Variants in SLC4A4 observed in about 807,000 individuals in gnomAD.
SLC4A4 encodes the protein solute carrier family 4 member 4.
Under a neutral mutation model 111.5 loss-of-function variants are expected in SLC4A4, and 27 were observed. The ratio of observed to expected loss-of-function variants is 0.24; its 90% CI spans 0.18 to 0.33. The LOEUF (loss-of-function observed/expected upper bound fraction) is 0.33. SLC4A4 is among the 10% of genes least tolerant of loss of function. The probability of loss-of-function intolerance (pLI) is 1.00; values close to 1 mark genes in which losing one functional copy is unlikely to be tolerated. For missense variants in SLC4A4, 909 were observed against 1,315.5 expected, an observed-to-expected ratio of 0.69 and a Z score of 4.78; for synonymous variants, 443 against 463.4, an observed-to-expected ratio of 0.96 and a Z score of 0.57.
intron 1 of SLC4A4, among the ~76,000 whole-genome samples, chr4:71,075,957 CTAAATAAATAAATAAATAAA>C (rs66711227): frequency 7.9e-4 from 111 of 140,268 alleles, no homozygotes; most frequent in African/African-American, 2.6e-3. Flanking sequence ...GACTCCATCT[CTAAATAAATAAATAAATAAA>C]TAAATAAATA....
chr4:71,420,230 G>T (rs1722305496), intron 7 of SLC4A4, among the ~76,000 whole-genome samples: 2 of 152,164 alleles, frequency 1.3e-5, no homozygotes, highest in South Asian at 2.1e-4. Context: ...GGAAGAAAGG[G>T]TATCAGTGAT....
intron 3 of SLC4A4, among the ~76,000 whole-genome samples, chr4:71,306,522 G>T (rs967407351): frequency 1.3e-5 from 2 of 152,114 alleles, no homozygotes; most frequent in Non-Finnish European, 2.9e-5. Flanking sequence ...GGCGGGGGTT[G>T]CAGTGAGCTG....
At chr4:71,185,357 C>T (rs955920401), upstream of SLC4A4, among the ~76,000 whole-genome samples, 1 of 152,194 alleles carries the variant, frequency 6.6e-6, no homozygotes, top group African/African-American at 2.4e-5. Context: ...TTCTTGCTAA[C>T]TGCCTGCTCA....
At chr4:71,248,701 G>C (rs1440035823) in intron 2 of SLC4A4, among the ~76,000 whole-genome samples, 5 of 152,116 alleles carry the variant, frequency 3.3e-5, no homozygotes, top group Non-Finnish European at 7.4e-5. Flanking sequence ...TAATAAAGTT[G>C]TATTTCTATA....
chr4:71,170,390 A>G (rs1744902082), intron 2 of SLC4A4, among the ~76,000 whole-genome samples: 1 of 152,226 alleles, frequency 6.6e-6, no homozygotes, highest in Non-Finnish European at 1.5e-5. Flanking sequence ...GAGGAAAATT[A>G]CATGTTTAAG....
chr4:71,565,791 T>C (rs937221104), intron 24 of SLC4A4, among the ~76,000 whole-genome samples: 2 of 151,828 alleles, frequency 1.3e-5, no homozygotes, highest in Non-Finnish European at 2.9e-5. Context: ...TTAAATATTT[T>C]AGTGTCTGAA....
chr4:71,281,704 T>C (rs1723528994), intron 3 of SLC4A4, among the ~76,000 whole-genome samples: 1 of 152,246 alleles, frequency 6.6e-6, no homozygotes, highest in African/African-American at 2.4e-5. Flanking sequence ...TTGGAATACA[T>C]AACACAACAT....
chr4:71,236,555 T>A, intron 1 of SLC4A4, 21 bp from the exon 2 acceptor site: 2 of 1,609,296 alleles, frequency 1.2e-6, no homozygotes, highest in Non-Finnish European at 1.7e-6. Context: ...AGCATTCTTT[T>A]TTTCTTTTTT....
intron 6 of SLC4A4, among the ~76,000 whole-genome samples, chr4:71,382,012 T>C (rs1718186703): frequency 6.6e-6 from 1 of 152,080 alleles, no homozygotes; most frequent in Non-Finnish European, 1.5e-5. Flanking sequence ...GGAGTGTTGA[T>C]TAAAGGAACT....
chr4:71,367,690 C>A (rs1731455385), intron 6 of SLC4A4, among the ~76,000 whole-genome samples: 1 of 152,150 alleles, frequency 6.6e-6, no homozygotes, highest in African/African-American at 2.4e-5. Context: ...TTATGGGAAA[C>A]AATTAAAAAT....
At chr4:71,137,838 A>T (rs950516653) in intron 2 of SLC4A4, among the ~76,000 whole-genome samples, 2 of 152,228 alleles carry the variant, frequency 1.3e-5, no homozygotes, top group Admixed American at 6.5e-5. Context: ...ACAAGTATAA[A>T]GACAAAGAAC....
chr4:71,183,197 T>C (rs758982414), upstream of SLC4A4, among the ~76,000 whole-genome samples: 13 of 152,218 alleles, frequency 8.5e-5, no homozygotes, highest in Non-Finnish European at 1.5e-4. Context: ...TCCTTGACAT[T>C]AACTGAGATA....
chr4:71,065,487 GA>G (rs1201090151), intron 1 of SLC4A4, among the ~76,000 whole-genome samples: 1 of 149,498 alleles, frequency 6.7e-6, no homozygotes, highest in East Asian at 1.9e-4. Context: ...GGCTGAAGAT[GA>G]AAATATATTT....
At position 71,084,963 on chromosome 4, in the gene SLC4A4, C is replaced by T. The variant is rs560596875; in HGVS notation, c.-64-7767C>T. Among the ~76,000 whole-genome samples, 6 of 152,042 alleles carry T rather than the reference C, an allele frequency of 3.9e-5. No individual in the cohort carries two copies. The South Asian group carries it at 1.2e-3, about 31-fold the overall frequency. On this transcript the variant is annotated intron_variant, in intron 1 of 26. Transcript: ENST00000649996. ...TCAAATGGCATTGCTTGCTATAGAT[C>T]CCTGAGGAATCGCCACACTAACTTC...
At chr4:71,262,676 G>A (rs1368692981) in intron 3 of SLC4A4, among the ~76,000 whole-genome samples, 2 of 151,940 alleles carry the variant, frequency 1.3e-5, no homozygotes, top group Non-Finnish European at 2.9e-5. Flanking sequence ...GAAATAGAAG[G>A]GAGTTATTTC....
chr4:71,275,052 C>T (rs1218696853), intron 3 of SLC4A4, among the ~76,000 whole-genome samples: 1 of 152,046 alleles, frequency 6.6e-6, no homozygotes, highest in Non-Finnish European at 1.5e-5. Context: ...GAGAAATGTC[C>T]TCAGCTCATT....
chr4:71,559,546 T>A (rs184171349), intron 22 of SLC4A4, among the ~76,000 whole-genome samples: 1 of 151,968 alleles, frequency 6.6e-6, no homozygotes, highest in East Asian at 2.0e-4. Flanking sequence ...TAACATAATG[T>A]CTGGGACATG....
At position 71,106,925 on chromosome 4, in the gene SLC4A4, A is replaced by AAAATAAATAAATAAATAAAT. The variant is rs759756657; in HGVS notation, c.-2+14136_-2+14155dup. Among the ~76,000 whole-genome samples, 1,027 of 150,946 alleles carry AAAATAAATAAATAAATAAAT rather than the reference A, an allele frequency of 6.8e-3. 12 individuals are homozygous for AAAATAAATAAATAAATAAAT. Among genetic ancestry groups the AAAATAAATAAATAAATAAAT allele is most frequent in the African/African-American group, 0.024 (969 of 40,888 alleles). ...GTACCCTAAAACTTAAAGTATAATA[A>AAAATAAATAAATAAATAAAT]AAATAAATAAATAAATAAATAATAA... On this transcript the variant is annotated intron_variant, in intron 2 of 26. Transcript: ENST00000649996.
intron 2 of SLC4A4, among the ~76,000 whole-genome samples, chr4:71,179,792 A>T (rs1289974597): frequency 6.6e-6 from 1 of 152,180 alleles, no homozygotes; most frequent in Non-Finnish European, 1.5e-5. Flanking sequence ...TAATTTATAG[A>T]TTCAATGCCA....
Sources: gnomAD v4.1 joint callset for allele counts (sites outside exome capture counted in the v4.1 genomes callset) on GRCh38, gnomAD v4.1.1 for gene constraint, MANE v1.5 for transcripts, NCBI Gene and HGNC (gene_info 2026-07-23, HGNC 2026-07-21) for gene names.